SLC35F3: variants seen among roughly 807,000 people sequenced by gnomAD.
SLC35F3 encodes putative thiamine transporter SLC35F3.
SLC35F3 carries 25 observed loss-of-function variants against 49.9 expected under a neutral mutation model. That is an observed-to-expected ratio of 0.50 (90% CI 0.37 to 0.70). The LOEUF (loss-of-function observed/expected upper bound fraction) is 0.70. SLC35F3 is among the 30% of genes least tolerant of loss of function. The pLI is 0.00. For synonymous variants in SLC35F3, 275 were observed against 265.4 expected (o/e 1.04, Z -0.35); for missense variants, 525 against 639.8 (o/e 0.82, Z 1.94).
At position 233,948,220 on chromosome 1, in the gene SLC35F3, GGA is replaced by G. The variant is rs1209151668; in HGVS notation, c.283+42468_283+42469del. On this transcript the variant is annotated intron_variant, in intron 2 of 7. Transcript: ENST00000366618. ...GAGAGAGAGGGAGAGAGGGAGAGAG[GGA>G]GAGAGGGAGAGAGAGAGAGAGAGAG... is the stretch of plus-strand genomic sequence containing the variant. Among the ~76,000 whole-genome samples the G allele has an allele frequency of 5.0e-4, 61 of 122,506 alleles. 1 individual carries two copies. In the East Asian group the frequency reaches 0.011, roughly 22 times the overall value. The allele number at this position is 122,506 out of a possible 152,430, so 80.4% of individuals were successfully genotyped here.
chr1:234,322,614 G>C (rs1370710540), intron 7 of SLC35F3, among the ~76,000 whole-genome samples: 3 of 151,068 alleles, frequency 2.0e-5, no homozygotes, highest in Non-Finnish European at 1.5e-5. Context: ...AAGTGGATCC[G>C]TACAGTTCAA....
At chr1:234,118,875 T>A (rs2102891952) in intron 2 of SLC35F3, among the ~76,000 whole-genome samples, 1 of 149,248 alleles carries the variant, frequency 6.7e-6, no homozygotes, top group South Asian at 2.2e-4. Flanking sequence ...TTTTTTTCTT[T>A]TTTTCTTTTC....
intron 2 of SLC35F3, among the ~76,000 whole-genome samples, chr1:234,074,577 G>A (rs1664766774): frequency 6.6e-6 from 1 of 152,184 alleles, no homozygotes; most frequent in African/African-American, 2.4e-5. Flanking sequence ...GCCCCAGGGG[G>A]CCCAGTCAGA....
intron 2 of SLC35F3, among the ~76,000 whole-genome samples, chr1:233,945,283 C>G (rs983754761): frequency 1.3e-5 from 2 of 152,022 alleles, no homozygotes; most frequent in African/African-American, 4.8e-5. Flanking sequence ...GCCTCACTTA[C>G]AGAGCACAGT....
At chr1:234,002,782 TTTGGATTTCTTCTACAAGGGAGAA>T (rs1419770681) in intron 2 of SLC35F3, among the ~76,000 whole-genome samples, 3 of 152,164 alleles carry the variant, frequency 2.0e-5, no homozygotes, top group Non-Finnish European at 4.4e-5. Flanking sequence ...ACATAAATCA[TTTGGATTTCTTCTACAAGGGAGAA>T]TTGTCTCTCA....
intron 2 of SLC35F3, among the ~76,000 whole-genome samples, chr1:233,970,777 A>G (rs1016917945): frequency 2.2e-4 from 33 of 152,334 alleles, no homozygotes; most frequent in African/African-American, 9.6e-5. Context: ...GAGAGGCCTC[A>G]GAAGAGACCA....
intron 3 of SLC35F3, among the ~76,000 whole-genome samples, chr1:234,267,855 C>T (rs1432451582): frequency 2.8e-5 from 4 of 142,492 alleles, no homozygotes; most frequent in Non-Finnish European, 4.6e-5. Context: ...ACATCCCAGA[C>T]AGGGCGGCGG....
intron 3 of SLC35F3, among the ~76,000 whole-genome samples, chr1:234,283,485 G>A (rs1668361555): frequency 6.6e-6 from 1 of 152,198 alleles, no homozygotes; most frequent in Non-Finnish European, 1.5e-5. Context: ...AGTTATTGTG[G>A]AATGCAAAGT....
intron 2 of SLC35F3, among the ~76,000 whole-genome samples, chr1:234,112,796 C>T (rs911730163): frequency 5.2e-5 from 7 of 133,474 alleles, no homozygotes; most frequent in Non-Finnish European, 1.1e-4. Flanking sequence ...AGGAAGGTCT[C>T]GATCTCCTGA....
intron 2 of SLC35F3, among the ~76,000 whole-genome samples, chr1:233,935,948 T>C (rs79032163): frequency 0.013 from 1,930 of 152,316 alleles, 25 homozygotes; most frequent in Non-Finnish European, 0.019. Flanking sequence ...GGCACTTGAA[T>C]TCAGTTTGTT....
chr1:233,964,941 G>C (rs1441599554), intron 2 of SLC35F3, among the ~76,000 whole-genome samples: 1 of 152,172 alleles, frequency 6.6e-6, no homozygotes, highest in African/African-American at 2.4e-5. Flanking sequence ...AAAGGAAATT[G>C]ATCTACCACC....
intron 2 of SLC35F3, among the ~76,000 whole-genome samples, chr1:233,923,443 C>G (rs1662101872): frequency 6.6e-6 from 1 of 152,144 alleles, no homozygotes; most frequent in Non-Finnish European, 1.5e-5. Context: ...ATTTGGCTCT[C>G]TGTTTGTCTG....
At chr1:234,002,222 C>T (rs1255433289) in intron 2 of SLC35F3, among the ~76,000 whole-genome samples, 2 of 152,178 alleles carry the variant, frequency 1.3e-5, no homozygotes, top group Non-Finnish European at 2.9e-5. Context: ...TAACCTCACA[C>T]AAAACATTTG....
intron 2 of SLC35F3, among the ~76,000 whole-genome samples, chr1:234,032,274 C>T (rs994662679): frequency 6.6e-6 from 1 of 152,042 alleles, no homozygotes; most frequent in African/African-American, 2.4e-5. Flanking sequence ...TATTATAAGT[C>T]AAATTCACCA....
rs1466574007 is a variant in SLC35F3 at position 234,174,576 on chromosome 1, G to A, written c.284-56841G>A. 2.6e-5 allele frequency among the ~76,000 whole-genome samples: 4 copies of A among 152,136 alleles called. No homozygotes were observed. In the East Asian group the frequency reaches 7.7e-4, roughly 29 times the overall value. The stretch of plus-strand genomic sequence containing the variant: ...TGAGATTCAGAGAAGTCAGTCACCT[G>A]CCCGAGGTCACACAGCTAGCAGATG... On this transcript the variant is annotated intron_variant, in intron 2 of 7. Coordinates refer to ENST00000366618, the MANE Select transcript of SLC35F3 (RefSeq NM_173508.4).
chr1:234,292,636 T>C (rs1668527516), intron 3 of SLC35F3, among the ~76,000 whole-genome samples: 1 of 152,164 alleles, frequency 6.6e-6, no homozygotes, highest in Non-Finnish European at 1.5e-5. Flanking sequence ...ATGTTCTGTC[T>C]TGGAATGGGA....
At chr1:234,079,608 T>C (rs1262078426) in intron 2 of SLC35F3, among the ~76,000 whole-genome samples, 1 of 152,218 alleles carries the variant, frequency 6.6e-6, no homozygotes, top group African/African-American at 2.4e-5. Context: ...AGTAAGCATT[T>C]ATCTCAAGAA....
chr1:233,964,753 G>A (rs945348589), intron 2 of SLC35F3, among the ~76,000 whole-genome samples: 2 of 152,192 alleles, frequency 1.3e-5, no homozygotes, highest in African/African-American at 4.8e-5. Flanking sequence ...AGTTCTGATG[G>A]TAGCACCTAT....
chr1:234,054,565 T>C (rs1664427277), intron 2 of SLC35F3, among the ~76,000 whole-genome samples: 1 of 152,216 alleles, frequency 6.6e-6, no homozygotes, highest in African/African-American at 2.4e-5. Flanking sequence ...GGTTTTTAGC[T>C]TCTTTGTGAT....
Sources: allele counts gnomAD v4.1 joint callset (sites outside exome capture counted in the v4.1 genomes callset), GRCh38; gene constraint gnomAD v4.1.1; transcripts MANE v1.5; gene names NCBI Gene and HGNC (gene_info 2026-07-23, HGNC 2026-07-21).